The following DLGAP2 variants were observed in gnomAD, a reference collection of about 807,000 sequenced individuals.
The protein encoded by DLGAP2 is disks large-associated protein 2.
In DLGAP2, 26 loss-of-function variants were observed where a neutral mutation model predicts 100.3. The ratio of observed to expected loss-of-function variants is 0.26; its 90% CI spans 0.19 to 0.36. DLGAP2 has a LOEUF of 0.36. Ranked by LOEUF, DLGAP2 falls within the 10% of genes least tolerant of loss-of-function variation. DLGAP2 has a pLI of 1.00. For synonymous variants in DLGAP2, 886 were observed against 630.1 expected (o/e 1.41, Z -6.08); for missense variants, 1,858 against 1,453.2 (o/e 1.28, Z -4.53).
intron 6 of DLGAP2, among the ~76,000 whole-genome samples, chr8:1,607,590 G>A (rs920097300): frequency 6.6e-6 from 1 of 152,212 alleles, no homozygotes; most frequent in Non-Finnish European, 1.5e-5. Flanking sequence ...CGTGAGCGAC[G>A]CAGAAGACGG....
At chr8:1,607,814 A>G (rs1796854075) in intron 6 of DLGAP2, among the ~76,000 whole-genome samples, 1 of 151,846 alleles carries the variant, frequency 6.6e-6, no homozygotes, top group African/African-American at 2.4e-5. Flanking sequence ...TCCCACCCGA[A>G]TATTGCGCTT....
chr8:1,081,884 G>T (rs1021460484), intron 2 of DLGAP2, among the ~76,000 whole-genome samples: 1 of 152,146 alleles, frequency 6.6e-6, no homozygotes, highest in Non-Finnish European at 1.5e-5. Context: ...AGTGGATGCC[G>T]ACGCTGCGGC....
rs1801666321 is a variant in DLGAP2, at chr8:1,549,161, G to A, written c.708G>A (p.Val236=). 6.3e-7 allele frequency: 1 copy of A among 1,597,516 alleles called. No homozygotes were observed. The highest frequency in any genetic ancestry group is 1.3e-5 in the African/African-American group (1 of 74,744). The change falls in exon 5 of 15, where the codon GTG becomes GTA. Residue 236 remains valine (V), a synonymous_variant. Transcript: ENST00000637795. ...GGATCCGCCACCTGGTACACTCCGTGCAGAAGCTCTTCACCAAGTCGCACT... is the reference window on the plus strand; with the variant it reads ...GGATCCGCCACCTGGTACACTCCGTACAGAAGCTCTTCACCAAGTCGCACT... ...PGRIRHLVHS[V]QKLFTKSHSL...
At chr8:1,209,566 T>G (rs1798062560) in intron 2 of DLGAP2, among the ~76,000 whole-genome samples, 1 of 152,168 alleles carries the variant, frequency 6.6e-6, no homozygotes, top group African/African-American at 2.4e-5. Flanking sequence ...AATAAATTCC[T>G]ATGTTGAAGC....
intron 4 of DLGAP2, among the ~76,000 whole-genome samples, chr8:1,517,827 G>T (rs182060230): frequency 6.6e-6 from 1 of 152,312 alleles, no homozygotes; most frequent in Non-Finnish European, 1.5e-5. Flanking sequence ...CCAAAAACAA[G>T]ACATTGGCAT....
chr8:1,082,037 C>A (rs10098710), intron 2 of DLGAP2, among the ~76,000 whole-genome samples: 1 of 151,994 alleles, frequency 6.6e-6, no homozygotes, highest in Non-Finnish European at 1.5e-5. Context: ...GGCAGAGCCC[C>A]CTCTGTGCAG....
At chr8:855,541 A>T (rs1563065455) in intron 1 of DLGAP2, among the ~76,000 whole-genome samples, 1 of 152,172 alleles carries the variant, frequency 6.6e-6, no homozygotes. Flanking sequence ...TGTCACACAG[A>T]CACATCAGGA....
intron 2 of DLGAP2, among the ~76,000 whole-genome samples, chr8:1,255,489 C>T (rs528800074): frequency 7.5e-6 from 1 of 133,026 alleles, no homozygotes. Context: ...TGTGTGTGTC[C>T]TCATCTTGCC....
intron 2 of DLGAP2, among the ~76,000 whole-genome samples, chr8:1,172,431 G>T (rs1332842012): frequency 2.0e-5 from 3 of 151,992 alleles, no homozygotes; most frequent in African/African-American, 4.8e-5. Context: ...ATGTTGGCCT[G>T]CCTTGCTAGA....
In DLGAP2 at chr8:1,058,170, C is replaced by T. The variant is rs1032788869; in HGVS notation, c.73+150204C>T. Reference sequence around the variant, plus strand: ...GATTGACTAGCGGCGGGTCTGGGGGCGCGGCCGGATTGACTAGCGGCGGGT... The same window carrying T: ...GATTGACTAGCGGCGGGTCTGGGGGTGCGGCCGGATTGACTAGCGGCGGGT... On this transcript the variant is annotated intron_variant, in intron 2 of 14. Transcript: ENST00000637795. Among the ~76,000 whole-genome samples the T allele has an allele frequency of 3.3e-5, 5 of 151,466 alleles. No individual in the cohort carries two copies. The East Asian group carries it at 5.8e-4, about 18-fold the overall frequency.
intron 1 of DLGAP2, among the ~76,000 whole-genome samples, chr8:807,560 T>C (rs1796292340): frequency 1.1e-5 from 1 of 87,596 alleles, no homozygotes; most frequent in Non-Finnish European, 2.3e-5. Context: ...TTCTCTCTCC[T>C]CTTTTTCTTC....
intron 2 of DLGAP2, among the ~76,000 whole-genome samples, chr8:1,106,875 G>T (rs1804791696): frequency 1.3e-5 from 2 of 152,212 alleles, no homozygotes; most frequent in African/African-American, 4.8e-5. Flanking sequence ...TATCAAATGA[G>T]AATAGAACCA....
rs530019690 is a variant in DLGAP2 at position 865,660 on chromosome 8, G to C, written c.19-42252G>C. Among the ~76,000 whole-genome samples the C allele has an allele frequency of 2.0e-5, 3 of 152,204 alleles. No homozygotes were observed. In the South Asian group the frequency reaches 6.2e-4, roughly 32 times the overall value. ...AAGATAAGGTTTATAGCTAAATCCG[G>C]TTTTAAGGTTGTGGGAATGGCCACT... On this transcript the variant is annotated intron_variant, in intron 1 of 14. Transcript: ENST00000637795.
At chr8:835,121 C>A (rs958867984) in intron 1 of DLGAP2, among the ~76,000 whole-genome samples, 7 of 152,126 alleles carry the variant, frequency 4.6e-5, no homozygotes, top group African/African-American at 1.7e-4. Flanking sequence ...GGAGGGGGGG[C>A]TGCTTTCATA....
intron 2 of DLGAP2, among the ~76,000 whole-genome samples, chr8:1,164,451 C>T (rs559929101): frequency 5.7e-4 from 85 of 150,016 alleles, no homozygotes; most frequent in Non-Finnish European, 8.9e-4. Context: ...AGTCTGGAGG[C>T]GATGGCCTGG....
At chr8:1,069,488 G>A (rs551508216) in intron 2 of DLGAP2, among the ~76,000 whole-genome samples, 19 of 152,224 alleles carry the variant, frequency 1.2e-4, no homozygotes, top group East Asian at 9.7e-4. Context: ...CAGCAACCGG[G>A]GACTTGCATT....
At chr8:1,607,074 T>G (rs887282966) in intron 6 of DLGAP2, among the ~76,000 whole-genome samples, 2 of 152,348 alleles carry the variant, frequency 1.3e-5, no homozygotes, top group South Asian at 2.1e-4. Flanking sequence ...TAACTCAATG[T>G]TTGACCTTTT....
At chr8:1,003,785 C>T (rs1244566554) in intron 2 of DLGAP2, among the ~76,000 whole-genome samples, 2 of 152,180 alleles carry the variant, frequency 1.3e-5, no homozygotes, top group Non-Finnish European at 2.9e-5. Context: ...ACCTTGGTCC[C>T]CCCATACCCC....
At chr8:1,182,099 C>A (rs991026470) in intron 2 of DLGAP2, among the ~76,000 whole-genome samples, 1 of 152,224 alleles carries the variant, frequency 6.6e-6, no homozygotes, top group African/African-American at 2.4e-5. Context: ...AGCTGATCTT[C>A]AGCTCACAAC....
Sources: gnomAD v4.1 joint callset for allele counts (sites outside exome capture counted in the v4.1 genomes callset) on GRCh38, gnomAD v4.1.1 for gene constraint, MANE v1.5 for transcripts, NCBI Gene and HGNC (gene_info 2026-07-23, HGNC 2026-07-21) for gene names.